Variants in MAPKAPK5 observed in about 807,000 individuals in gnomAD.
MAPKAPK5 encodes the protein MAP kinase-activated protein kinase 5.
In MAPKAPK5, 30 loss-of-function variants were observed where a neutral mutation model predicts 65.1. The observed-to-expected ratio is 0.46, with a 90% CI of 0.34 to 0.63. The LOEUF is 0.63. Ranked by LOEUF, MAPKAPK5 falls within the 20% of genes least tolerant of loss-of-function variation. The pLI is 0.01. For synonymous variants in MAPKAPK5, 179 were observed against 204.6 expected, an observed-to-expected ratio of 0.87 and a Z score of 1.07; for missense variants, 433 against 581.4, an observed-to-expected ratio of 0.74 and a Z score of 2.63.
At chr12:111,846,969 A>T (rs2068924565) in intron 1 of MAPKAPK5, among the ~76,000 whole-genome samples, 1 of 152,100 alleles carries the variant, frequency 6.6e-6, no homozygotes. Flanking sequence ...GCTCACTACT[A>T]TCCAAGATTT....
Position 111,893,400 on chromosome 12 carries a change from A to AAAC in MAPKAPK5, c.*341_*343dup, listed in dbSNP as rs2070693757. 6.4e-6 allele frequency: 1 copy of AAAC among 156,840 alleles called. No homozygotes were observed. The highest frequency in any genetic ancestry group is 1.4e-5 in the Non-Finnish European group (1 of 71,234). 9.7% of individuals were successfully genotyped at this position (156,840 alleles called of 1,614,324 possible). On this transcript the variant is annotated 3_prime_UTR_variant, in exon 14 of 14. Coordinates refer to ENST00000550735, the MANE Select transcript of MAPKAPK5 (RefSeq NM_003668.4). ...GACTATACCGACCTTTCTGATTAGT[A>AAAC]AACAGTTGAATCAAGGACTCTGGAT...
At chr12:111,873,513 T>G (rs1260798750) in intron 7 of MAPKAPK5, among the ~76,000 whole-genome samples, 1 of 152,088 alleles carries the variant, frequency 6.6e-6, no homozygotes, top group African/African-American at 2.4e-5. Context: ...CCGGCTAATT[T>G]TTTGTATTTT....
chr12:111,889,661 T>C, intron 12 of MAPKAPK5: 1 of 204,380 alleles, frequency 4.9e-6, no homozygotes, highest in Non-Finnish European at 1.0e-5. Flanking sequence ...ACTCATGTAG[T>C]GTACCTCAGA....
chr12:111,856,625 T>G (rs1402399169), intron 1 of MAPKAPK5, among the ~76,000 whole-genome samples: 5 of 152,246 alleles, frequency 3.3e-5, no homozygotes, highest in African/African-American at 1.2e-4. Context: ...CAGGCTGGTC[T>G]CAAACTCCTG....
intron 1 of MAPKAPK5, chr12:111,843,266 C>T: frequency 2.5e-6 from 1 of 398,630 alleles, no homozygotes. Context: ...CTCACTTTTC[C>T]GTGTATTCTC....
chr12:111,866,563 A>T (rs1479936088), intron 3 of MAPKAPK5, among the ~76,000 whole-genome samples: 2 of 152,236 alleles, frequency 1.3e-5, no homozygotes, highest in African/African-American at 4.8e-5. Context: ...AGTCAGGTGA[A>T]TGGTGTATAA....
At chr12:111,891,788 CAGAG>C (rs2070623123) in intron 13 of MAPKAPK5, among the ~76,000 whole-genome samples, 1 of 144,566 alleles carries the variant, frequency 6.9e-6, no homozygotes, top group Non-Finnish European at 1.5e-5. Context: ...GCCTGGGCAA[CAGAG>C]AGAGACTCCG....
intron 1 of MAPKAPK5, among the ~76,000 whole-genome samples, chr12:111,847,479 C>T (rs1476626448): frequency 1.3e-5 from 2 of 152,034 alleles, no homozygotes; most frequent in African/African-American, 4.8e-5. Context: ...AGGCACTTAG[C>T]TAAATCTGGA....
chr12:111,861,430 G>A (rs1353711882), intron 1 of MAPKAPK5, among the ~76,000 whole-genome samples: 1 of 151,956 alleles, frequency 6.6e-6, no homozygotes, highest in Non-Finnish European at 1.5e-5. Context: ...CCAGGCTCAA[G>A]CGATTCTCCT....
At chr12:111,871,493 A>T (rs1386582764) in intron 7 of MAPKAPK5, among the ~76,000 whole-genome samples, 7 of 152,090 alleles carry the variant, frequency 4.6e-5, no homozygotes, top group Non-Finnish European at 1.0e-4. Context: ...AATATAAAAA[A>T]TTAGCCGAGT....
chr12:111,869,733 ATCT>A (rs1390198884), intron 5 of MAPKAPK5, among the ~76,000 whole-genome samples: 1 of 152,170 alleles, frequency 6.6e-6, no homozygotes, highest in Non-Finnish European at 1.5e-5. Flanking sequence ...AGCTCTGATA[ATCT>A]TCTATAAAAT....
intron 1 of MAPKAPK5, among the ~76,000 whole-genome samples, chr12:111,850,526 A>C (rs2060726890): frequency 6.6e-6 from 1 of 152,178 alleles, no homozygotes; most frequent in Non-Finnish European, 1.5e-5. Context: ...GGCTTAAAAA[A>C]ATGTCAGGGT....
At chr12:111,887,366 A>G (rs376773583) in intron 10 of MAPKAPK5, among the ~76,000 whole-genome samples, 32 of 152,310 alleles carry the variant, frequency 2.1e-4, no homozygotes, top group African/African-American at 7.5e-4. Context: ...GAGGTTACTC[A>G]AGATCTTAAA....
At chr12:111,853,628 G>A (rs1315350546) in intron 1 of MAPKAPK5, among the ~76,000 whole-genome samples, 3 of 151,888 alleles carry the variant, frequency 2.0e-5, no homozygotes, top group African/African-American at 4.8e-5. Flanking sequence ...TCCGCCTCCC[G>A]GGTTCAGGCA....
intron 1 of MAPKAPK5, among the ~76,000 whole-genome samples, chr12:111,854,222 T>A (rs2069169675): frequency 6.7e-6 from 1 of 148,812 alleles, no homozygotes; most frequent in South Asian, 2.1e-4. Context: ...AAGATTTTCT[T>A]TTCTTTTTCT....
intron 10 of MAPKAPK5, among the ~76,000 whole-genome samples, chr12:111,886,262 A>G (rs1441034490): frequency 6.6e-6 from 1 of 152,216 alleles, no homozygotes; most frequent in Non-Finnish European, 1.5e-5. Context: ...TCAAAGGAAT[A>G]GCCTCCATAT....
At chr12:111,873,172 T>C (rs1200838836) in intron 7 of MAPKAPK5, among the ~76,000 whole-genome samples, 1 of 152,210 alleles carries the variant, frequency 6.6e-6, no homozygotes, top group Non-Finnish European at 1.5e-5. Flanking sequence ...CATTTGGGTC[T>C]GTAATTCATC....
chr12:111,880,610 G>A (rs2070165684), intron 8 of MAPKAPK5, 83 bp downstream of exon 8: 1 of 1,204,506 alleles, frequency 8.3e-7, no homozygotes, highest in East Asian at 2.4e-5. Context: ...TGGGAGTGTG[G>A]CCAATTCCTT....
At position 111,871,177 on chromosome 12, in the gene MAPKAPK5, C is replaced by T. The variant is rs1486016969; in HGVS notation, c.576C>T (p.Pro192=). The T allele has an allele frequency of 3.1e-6, 5 of 1,613,100 alleles. No individual in the cohort carries two copies. The highest frequency in any genetic ancestry group is 1.7e-5 in the Admixed American group (1 of 59,912). The change falls in exon 7 of 14, where the codon CCC becomes CCT. Residue 192 remains proline, a synonymous_variant. Transcript: ENST00000550735. Reference sequence around the variant, plus strand: ...AGTTCACCCCTTATTATGTAGCACCCCAGGTAAGCATGTGCGGTTTCTGTC... The same window carrying T: ...AGTTCACCCCTTATTATGTAGCACCTCAGGTAAGCATGTGCGGTTTCTGTC... ...TPQFTPYYVA[P]QVLEAQRRHQ...
Sources: gnomAD v4.1 joint callset for allele counts (sites outside exome capture counted in the v4.1 genomes callset) on GRCh38, gnomAD v4.1.1 for gene constraint, MANE v1.5 for transcripts, NCBI Gene and HGNC (gene_info 2026-07-23, HGNC 2026-07-21) for gene names.